The following TMEM163 variants were observed in gnomAD, a reference collection of about 807,000 sequenced individuals.
TMEM163 encodes transmembrane protein 163.
Under a neutral mutation model 29.3 loss-of-function variants are expected in TMEM163, and 17 were observed. The ratio of observed to expected loss-of-function variants is 0.58; its 90% CI spans 0.40 to 0.87. The LOEUF is 0.87. Among genes scored for constraint, TMEM163 ranks in the 40% least tolerant of loss-of-function variants. The pLI is 0.00. For synonymous variants in TMEM163, 157 were observed against 160.6 expected (o/e 0.98, Z 0.17); for missense variants, 303 against 381.5 (o/e 0.79, Z 1.71).
intron 5 of TMEM163, chr2:134,469,365 G>A (rs1359448873): frequency 2.6e-5 from 4 of 152,140 alleles, no homozygotes; most frequent in African/African-American, 9.7e-5. Context: ...GCACTGAAGC[G>A]GGAGTCCCAC....
chr2:134,701,110 C>G (rs1474985492), intron 2 of TMEM163, among the ~76,000 whole-genome samples: 1 of 151,428 alleles, frequency 6.6e-6, no homozygotes, highest in Non-Finnish European at 1.5e-5. Context: ...TACAAAGACA[C>G]TAAACATGTT....
intron 2 of TMEM163, among the ~76,000 whole-genome samples, chr2:134,608,910 C>A (rs200367415): frequency 1.6e-5 from 1 of 63,120 alleles, no homozygotes; most frequent in East Asian, 6.1e-4. Flanking sequence ...GAGGACAGAC[C>A]CCGAGAACTG....
At chr2:134,663,967 C>T (rs1302284610) in intron 2 of TMEM163, among the ~76,000 whole-genome samples, 1 of 152,208 alleles carries the variant, frequency 6.6e-6, no homozygotes, top group Non-Finnish European at 1.5e-5. Context: ...CCTCAGTAGC[C>T]CTATAGGCAC....
At chr2:134,704,908 C>T (rs1455145005) in intron 2 of TMEM163, among the ~76,000 whole-genome samples, 2 of 152,012 alleles carry the variant, frequency 1.3e-5, no homozygotes, top group African/African-American at 4.8e-5. Context: ...ACTGTGTGTC[C>T]TCAAAATTCA....
Position 134,502,952 on chromosome 2 carries a change from A to G in TMEM163, c.504T>C (p.Cys168=). 6.2e-7 allele frequency: 1 copy of G among 1,614,082 alleles called. No individual in the cohort carries two copies. Among genetic ancestry groups the G allele is most frequent in the Non-Finnish European group, 8.5e-7 (1 of 1,179,976 alleles). Residue 168 remains cysteine, a synonymous_variant, in exon 5 of 8, where the codon TGT becomes TGC. Coordinates refer to ENST00000281924, the MANE Select transcript of TMEM163 (RefSeq NM_030923.5). The part of the protein sequence containing the change: ...LGVIFLLSSI[C]IVVKAIHDLS... The stretch of plus-strand genomic sequence containing the variant: ...GGTCATGGATGGCTTTGACCACTAT[A>G]CATATGGATGACAGAAGGAATATCA...
chr2:134,472,823 C>CT (rs1054705378), intron 5 of TMEM163, among the ~76,000 whole-genome samples: 1 of 152,208 alleles, frequency 6.6e-6, no homozygotes, highest in Non-Finnish European at 1.5e-5. Context: ...ATGTAGATCA[C>CT]ATTCTATGCC....
intron 4 of TMEM163, among the ~76,000 whole-genome samples, chr2:134,506,941 CCCT>C (rs1291193075): frequency 6.6e-6 from 1 of 152,202 alleles, no homozygotes; most frequent in Non-Finnish European, 1.5e-5. Context: ...ATAGACTCCT[CCCT>C]CCTGCCCCAA....
At chr2:134,505,239 C>CCTT (rs373282805) in intron 4 of TMEM163, among the ~76,000 whole-genome samples, 7,787 of 130,050 alleles carry the variant, frequency 0.06, 487 homozygotes, top group East Asian at 0.15. Flanking sequence ...TGGGGAATTC[C>CCTT]TTTTTTTTTT....
rs200981878 is a variant in TMEM163, at chr2:134,456,787, G to A, written c.810-11C>T. On this transcript the variant is annotated splice_polypyrimidine_tract_variant and intron_variant, in intron 7 of 7. Transcript: ENST00000281924. ...ATGTCGATGAGGAGTCTGCAAAGAC[G>A]AAGACAGACAAGGTCACCTCCATGG... 20 of 1,612,892 alleles carry A rather than the reference G, an allele frequency of 1.2e-5. No individual in the cohort carries two copies. The highest frequency in any genetic ancestry group is 1.5e-5 in the Non-Finnish European group (18 of 1,179,614).
At chr2:134,611,729 AGT>A (rs1196709056) in intron 2 of TMEM163, among the ~76,000 whole-genome samples, 1 of 152,224 alleles carries the variant, frequency 6.6e-6, no homozygotes, top group Non-Finnish European at 1.5e-5. Flanking sequence ...GACCTGGTAC[AGT>A]GGACTCTTTG....
chr2:134,562,688 T>C (rs1681208408), intron 2 of TMEM163, among the ~76,000 whole-genome samples: 1 of 152,238 alleles, frequency 6.6e-6, no homozygotes, highest in Admixed American at 6.5e-5. Context: ...TCATTTGATC[T>C]GAATCAAAGT....
chr2:134,634,007 ATATATATATATAT>A (rs1683045192), intron 2 of TMEM163, among the ~76,000 whole-genome samples: 2 of 29,458 alleles, frequency 6.8e-5, no homozygotes, highest in African/African-American at 2.8e-4. Flanking sequence ...ATATATATAT[ATATATATATATAT>A]AATAGGACTG....
chr2:134,480,689 C>G (rs1056271372), intron 5 of TMEM163, among the ~76,000 whole-genome samples: 2 of 152,026 alleles, frequency 1.3e-5, no homozygotes, highest in African/African-American at 2.4e-5. Flanking sequence ...GAACGGGAGC[C>G]GTGGGAGACA....
intron 6 of TMEM163, among the ~76,000 whole-genome samples, chr2:134,461,276 G>A (rs1044129194): frequency 6.6e-6 from 1 of 152,240 alleles, no homozygotes; most frequent in South Asian, 2.1e-4. Context: ...GATCTGTGTA[G>A]TTAAAAACAT....
intron 5 of TMEM163, chr2:134,469,458 G>C (rs1334624014): frequency 6.6e-6 from 1 of 152,198 alleles, no homozygotes; most frequent in African/African-American, 2.4e-5. Context: ...AAAAATAACA[G>C]ACTCCCTCAC....
intron 2 of TMEM163, among the ~76,000 whole-genome samples, chr2:134,693,332 C>T (rs1243956328): frequency 1.9e-4 from 29 of 152,140 alleles, no homozygotes; most frequent in Admixed American, 1.8e-3. Context: ...CCTTTCCAGA[C>T]GTGGTGGCTC....
At position 134,668,322 on chromosome 2, in the gene TMEM163, G is replaced by A. The variant is rs548987447; in HGVS notation, c.322+44878C>T. ...CCCTCTCTCCAAGGTCACTAGACCC[G>A]GTGTTGAGGGGCTGGAAGGGGAAGG... On this transcript the variant is annotated intron_variant, in intron 2 of 7. Coordinates refer to ENST00000281924, the MANE Select transcript of TMEM163 (RefSeq NM_030923.5). Among the ~76,000 whole-genome samples the A allele has an allele frequency of 1.3e-4, 20 of 152,176 alleles. 1 individual carries two copies. Among genetic ancestry groups the A allele is most frequent in the East Asian group, 3.9e-4 (2 of 5,182 alleles).
At chr2:134,493,362 C>CTTT (rs1159013721) in intron 5 of TMEM163, among the ~76,000 whole-genome samples, 1,528 of 49,866 alleles carry the variant, frequency 0.031, 480 homozygotes, top group African/African-American at 0.072. Flanking sequence ...CTTTTGGTGT[C>CTTT]TTTTTTTTTT....
intron 5 of TMEM163, among the ~76,000 whole-genome samples, chr2:134,470,992 C>G (rs572309651): frequency 1.3e-5 from 2 of 152,110 alleles, no homozygotes. Flanking sequence ...GGCAACATAG[C>G]GAGACCTGGT....
Sources: allele counts gnomAD v4.1 joint callset (sites outside exome capture counted in the v4.1 genomes callset), GRCh38; gene constraint gnomAD v4.1.1; transcripts MANE v1.5; gene names NCBI Gene and HGNC (gene_info 2026-07-23, HGNC 2026-07-21).